The following TNIK variants were observed in gnomAD, a reference collection of about 807,000 sequenced individuals.
TNIK encodes TRAF2 and NCK-interacting protein kinase.
Under a neutral mutation model 191.3 loss-of-function variants are expected in TNIK, and 49 were observed. The observed-to-expected ratio is 0.26, with a 90% confidence interval of 0.20 to 0.32. TNIK has a LOEUF of 0.32. Ranked by LOEUF, TNIK falls within the 10% of genes least tolerant of loss-of-function variation. TNIK has a pLI of 1.00. For missense variants in TNIK, 1,155 were observed against 1,702.3 expected, an observed-to-expected ratio of 0.68 and a Z score of 5.66; for synonymous variants, 594 against 600.9, an observed-to-expected ratio of 0.99 and a Z score of 0.17.
rs191019958 is a variant in TNIK at position 171,063,601 on chromosome 3, C to A, written c.*280G>T. 3.1e-6 allele frequency: 1 copy of A among 320,504 alleles called. No homozygotes were observed. Among genetic ancestry groups the A allele is most frequent in the East Asian group, 5.8e-5 (1 of 17,300 alleles). The allele number at this position is 320,504 out of a possible 1,614,324, so 19.9% of individuals were successfully genotyped here. A position where few individuals can be genotyped will look rare whatever the true frequency, so the allele number is the denominator to read the frequency against. On this transcript the variant is annotated 3_prime_UTR_variant, in exon 33 of 33. Coordinates refer to ENST00000436636, the MANE Select transcript of TNIK (RefSeq NM_015028.4). ...AAGAGCACACAATATTTGTTTCTAT[C>A]CCTAATTCCGAAGGGCACATGGTCC...
intron 2 of TNIK, among the ~76,000 whole-genome samples, chr3:171,230,601 T>G (rs1000592845): frequency 2.6e-5 from 4 of 152,128 alleles, no homozygotes; most frequent in African/African-American, 9.7e-5. Flanking sequence ...TAAATGTACT[T>G]TATTGTTTCT....
At chr3:171,423,356 T>C (rs1429720738) in intron 1 of TNIK, among the ~76,000 whole-genome samples, 1 of 152,102 alleles carries the variant, frequency 6.6e-6, no homozygotes, top group Non-Finnish European at 1.5e-5. Context: ...TGGAAGAACA[T>C]TTCATGCTCA....
chr3:171,359,832 G>A (rs193090093), intron 2 of TNIK, among the ~76,000 whole-genome samples: 28 of 152,170 alleles, frequency 1.8e-4, no homozygotes, highest in Middle Eastern at 3.4e-3. Flanking sequence ...GTTAAAAACC[G>A]TGAAGAGCCC....
chr3:171,249,233 A>G (rs1745961154), intron 2 of TNIK, among the ~76,000 whole-genome samples: 2 of 152,378 alleles, frequency 1.3e-5, no homozygotes, highest in African/African-American at 4.8e-5. Flanking sequence ...CTATTATTTC[A>G]TAATTCTGGG....
intron 23 of TNIK, among the ~76,000 whole-genome samples, chr3:171,092,666 A>T (rs961260788): frequency 6.6e-6 from 1 of 152,268 alleles, no homozygotes; most frequent in Non-Finnish European, 1.5e-5. Context: ...CAACAAGGAC[A>T]TAAAATGAAA....
At chr3:171,141,418 A>G (rs1289203436) in intron 12 of TNIK, among the ~76,000 whole-genome samples, 1 of 152,226 alleles carries the variant, frequency 6.6e-6, no homozygotes, top group Non-Finnish European at 1.5e-5. Context: ...AGCCAGAGGA[A>G]TGATAGAAAG....
At chr3:171,417,622 G>C (rs1229674087) in intron 1 of TNIK, among the ~76,000 whole-genome samples, 3 of 151,982 alleles carry the variant, frequency 2.0e-5, no homozygotes, top group African/African-American at 7.3e-5. Context: ...TGTGAATCTT[G>C]ACATCTGTAA....
chr3:171,241,420 A>G (rs1181190929), intron 2 of TNIK, among the ~76,000 whole-genome samples: 2 of 152,072 alleles, frequency 1.3e-5, no homozygotes, highest in Non-Finnish European at 2.9e-5. Context: ...AAAACCCAAG[A>G]TTTTTCCAGG....
At chr3:171,263,721 C>A (rs1047546268) in intron 2 of TNIK, among the ~76,000 whole-genome samples, 1 of 151,598 alleles carries the variant, frequency 6.6e-6, no homozygotes, top group African/African-American at 2.4e-5. Flanking sequence ...TGACAAGAGC[C>A]ATTATTAGAA....
At chr3:171,094,945 C>T (rs553375577) in intron 22 of TNIK, among the ~76,000 whole-genome samples, 6 of 152,200 alleles carry the variant, frequency 3.9e-5, no homozygotes, top group African/African-American at 1.4e-4. Flanking sequence ...CTAGAGTTGT[C>T]ACATACTAGG....
intron 16 of TNIK, among the ~76,000 whole-genome samples, chr3:171,127,421 G>T (rs1347662756): frequency 6.6e-6 from 1 of 151,204 alleles, no homozygotes; most frequent in Non-Finnish European, 1.5e-5. Flanking sequence ...CACTTTAAAA[G>T]AGCCAAAAAA....
chr3:171,192,627 T>C (rs1352229869), intron 5 of TNIK, among the ~76,000 whole-genome samples: 3 of 152,124 alleles, frequency 2.0e-5, no homozygotes, highest in Non-Finnish European at 4.4e-5. Flanking sequence ...CTCTGTAGGG[T>C]TCCCCAGCAG....
intron 2 of TNIK, among the ~76,000 whole-genome samples, chr3:171,349,393 A>G (rs866856994): frequency 6.6e-6 from 1 of 152,234 alleles, no homozygotes; most frequent in African/African-American, 2.4e-5. Context: ...TATTGTACAA[A>G]GAGAGGCAGA....
chr3:171,153,571 C>T (rs1732752709), intron 12 of TNIK, among the ~76,000 whole-genome samples: 1 of 152,186 alleles, frequency 6.6e-6, no homozygotes, highest in Admixed American at 6.5e-5. Flanking sequence ...ACTCTCTGGC[C>T]TAGACTAACT....
At chr3:171,351,325 T>C (rs1325731046) in intron 2 of TNIK, among the ~76,000 whole-genome samples, 2 of 130,806 alleles carry the variant, frequency 1.5e-5, no homozygotes, top group Non-Finnish European at 3.4e-5. Context: ...TGTATATGTG[T>C]GTCTGAGTGA....
chr3:171,424,911 C>T (rs1368424195), intron 1 of TNIK, among the ~76,000 whole-genome samples: 1 of 150,396 alleles, frequency 6.6e-6, no homozygotes, highest in Non-Finnish European at 1.5e-5. Flanking sequence ...TGCAGCACAC[C>T]AACATGGCAC....
rs374019120 is a variant in TNIK, at chr3:171,422,423, C to T, written c.57+37584G>A. 3.3e-5 allele frequency among the ~76,000 whole-genome samples: 5 copies of T among 152,194 alleles called. No individual in the cohort carries two copies. In the East Asian group the frequency reaches 7.7e-4, roughly 24 times the overall value. On this transcript the variant is annotated intron_variant, in intron 1 of 32. Transcript: ENST00000436636. ...CATTTATTTCTGGGAATTAGTAAGT[C>T]CAACTGTAAACATAAAGACAATATT...
chr3:171,218,631 G>A (rs908469678), intron 3 of TNIK, among the ~76,000 whole-genome samples: 2 of 149,504 alleles, frequency 1.3e-5, no homozygotes, highest in Non-Finnish European at 3.0e-5. Context: ...CTGTGGCCCT[G>A]TAATTTCAAT....
chr3:171,187,977 C>G (rs772229175), intron 7 of TNIK, among the ~76,000 whole-genome samples: 118 of 152,162 alleles, frequency 7.8e-4, no homozygotes, highest in Non-Finnish European at 1.2e-3. Context: ...CTTTCAGTCA[C>G]CATTCATTAG....
Sources: allele counts gnomAD v4.1 joint callset (sites outside exome capture counted in the v4.1 genomes callset), GRCh38; gene constraint gnomAD v4.1.1; transcripts MANE v1.5; gene names NCBI Gene and HGNC (gene_info 2026-07-23, HGNC 2026-07-21).